Variants in ANKH observed in about 807,000 individuals in gnomAD.
The protein encoded by ANKH is mineralization regulator ANKH.
ANKH carries 15 observed loss-of-function variants against 49.0 expected under a neutral mutation model. The observed-to-expected ratio is 0.31, with a 90% CI of 0.20 to 0.47. ANKH has a LOEUF of 0.47. Among genes scored for constraint, ANKH ranks in the 20% least tolerant of loss-of-function variants. ANKH has a pLI of 1.00. For synonymous variants in ANKH, 273 were observed against 260.0 expected, an observed-to-expected ratio of 1.05 and a Z score of -0.48; for missense variants, 429 against 652.0, an observed-to-expected ratio of 0.66 and a Z score of 3.72.
chr5:14,852,494 T>C (rs1742146810), intron 1 of ANKH, among the ~76,000 whole-genome samples: 1 of 152,190 alleles, frequency 6.6e-6, no homozygotes, highest in African/African-American at 2.4e-5. Context: ...CAGAAATGAG[T>C]TATTTTTGAT....
intron 1 of ANKH, among the ~76,000 whole-genome samples, chr5:14,842,678 T>C (rs1300140982): frequency 6.6e-6 from 1 of 152,184 alleles, no homozygotes; most frequent in Admixed American, 6.5e-5. Context: ...CCCAAGTTTC[T>C]TGGGCTGGAC....
At chr5:14,809,841 AG>A (rs1740824646) in intron 1 of ANKH, among the ~76,000 whole-genome samples, 1 of 151,788 alleles carries the variant, frequency 6.6e-6, no homozygotes, top group South Asian at 2.1e-4. Flanking sequence ...CCTCTGAGTC[AG>A]CCCCGTCTCG....
rs1738030112 is a variant in ANKH, at chr5:14,732,316, TC to T, written c.1011+9510del. 2.0e-5 allele frequency among the ~76,000 whole-genome samples: 3 copies of T among 151,956 alleles called. No individual in the cohort carries two copies. The South Asian group carries it at 6.3e-4, about 32-fold the overall frequency. On this transcript the variant is annotated intron_variant, in intron 8 of 11. Transcript: ENST00000284268. ...GGGGTGACGGGTCAACTAAAGAGCT[TC>T]CCCGAGGAGAAAAATGGTTCATACA...
chr5:14,858,679 G>A (rs1735375062), intron 1 of ANKH, among the ~76,000 whole-genome samples: 1 of 151,246 alleles, frequency 6.6e-6, no homozygotes, highest in Admixed American at 6.6e-5. Flanking sequence ...TCGGGCCACT[G>A]CACTCCAGCC....
At chr5:14,865,264 AAAT>A (rs936113560) in intron 1 of ANKH, among the ~76,000 whole-genome samples, 19 of 152,102 alleles carry the variant, frequency 1.2e-4, no homozygotes, top group Non-Finnish European at 2.2e-4. Flanking sequence ...CCGTCTCAAA[AAAT>A]AATAATAATG....
intron 2 of ANKH, among the ~76,000 whole-genome samples, chr5:14,766,335 G>A (rs1342044602): frequency 6.6e-6 from 1 of 152,180 alleles, no homozygotes; most frequent in Non-Finnish European, 1.5e-5. Context: ...GTTCAAGGTT[G>A]CGGTTAGTTG....
At chr5:14,853,374 G>T (rs1742168907) in intron 1 of ANKH, among the ~76,000 whole-genome samples, 1 of 152,114 alleles carries the variant, frequency 6.6e-6, no homozygotes, top group African/African-American at 2.4e-5. Context: ...CCTGGGGCTT[G>T]AGACCAACCT....
chr5:14,868,775 C>G (rs1246267288), intron 1 of ANKH: 1 of 151,308 alleles, frequency 6.6e-6, no homozygotes, highest in Non-Finnish European at 1.5e-5. Context: ...CTCCTGAGCT[C>G]AAGCGATCCT....
At chr5:14,754,355 TA>T (rs1561039611) in intron 4 of ANKH, among the ~76,000 whole-genome samples, 11 of 151,856 alleles carry the variant, frequency 7.2e-5, no homozygotes, top group Non-Finnish European at 1.5e-4. Flanking sequence ...TTTTTGCCTT[TA>T]AAAAAACACA....
chr5:14,716,938 C>A, intron 8 of ANKH, 103 bp from the exon 9 acceptor site: 1 of 1,472,812 alleles, frequency 6.8e-7, no homozygotes, highest in South Asian at 1.2e-5. Flanking sequence ...GAAAGAGGGA[C>A]AACCGGCCTG....
chr5:14,751,022 T>C (rs762553979), intron 5 of ANKH, 47 bp downstream of exon 5: 1 of 1,603,798 alleles, frequency 6.2e-7, no homozygotes, highest in Non-Finnish European at 8.5e-7. Context: ...TACAGTTTTA[T>C]TCTACTCTGA....
At chr5:14,746,471 T>C (rs539428536) in intron 6 of ANKH, among the ~76,000 whole-genome samples, 24 of 152,256 alleles carry the variant, frequency 1.6e-4, no homozygotes, top group African/African-American at 5.3e-4. Flanking sequence ...TGAGCCAGTT[T>C]AATGATCTGC....
chr5:14,797,031 T>C (rs1740411884), intron 1 of ANKH: 3 of 1,203,870 alleles, frequency 2.5e-6, no homozygotes, highest in African/African-American at 1.6e-5. Context: ...GAGGGATAGC[T>C]GAATAAAATC....
At chr5:14,721,260 C>CA (rs1478945878) in intron 8 of ANKH, among the ~76,000 whole-genome samples, 1 of 152,240 alleles carries the variant, frequency 6.6e-6, no homozygotes, top group Admixed American at 6.5e-5. Flanking sequence ...TGGCACCACT[C>CA]AGTCACTCTG....
intron 1 of ANKH, among the ~76,000 whole-genome samples, chr5:14,853,783 T>C: frequency 6.6e-6 from 1 of 152,274 alleles, no homozygotes; most frequent in East Asian, 1.9e-4. Context: ...TGGTAAACTA[T>C]ATACTAAAAA....
At chr5:14,795,114 T>C (rs1489752074) in intron 1 of ANKH, among the ~76,000 whole-genome samples, 1 of 152,154 alleles carries the variant, frequency 6.6e-6, no homozygotes, top group East Asian at 1.9e-4. Context: ...GCTGCTCTTT[T>C]CAGAAGCTGA....
At chr5:14,788,065 G>C (rs1740036887) in intron 1 of ANKH, 1 of 152,184 alleles carries the variant, frequency 6.6e-6, no homozygotes, top group South Asian at 2.1e-4. Flanking sequence ...TGAAGGCATT[G>C]AGTCCAGTCT....
intron 4 of ANKH, among the ~76,000 whole-genome samples, chr5:14,755,341 G>A (rs1738852675): frequency 6.6e-6 from 1 of 152,198 alleles, no homozygotes; most frequent in Non-Finnish European, 1.5e-5. Flanking sequence ...CGCGTGGAAA[G>A]GTAGCTGAAT....
At chr5:14,774,975 C>T (rs913595767) in intron 1 of ANKH, among the ~76,000 whole-genome samples, 3 of 152,092 alleles carry the variant, frequency 2.0e-5, no homozygotes, top group Admixed American at 6.5e-5. Context: ...ATTCAAGACC[C>T]CCAGTGGATG....
Sources: gnomAD v4.1 joint callset for allele counts (sites outside exome capture counted in the v4.1 genomes callset) on GRCh38, gnomAD v4.1.1 for gene constraint, MANE v1.5 for transcripts, NCBI Gene and HGNC (gene_info 2026-07-23, HGNC 2026-07-21) for gene names.